Variants in EMP2 observed in about 807,000 individuals in gnomAD.
EMP2 encodes epithelial membrane protein 2.
EMP2 carries 19 observed loss-of-function variants against 13.7 expected under a neutral mutation model. The observed-to-expected ratio is 1.38, with a 90% CI of 0.97 to 2.03. The LOEUF (loss-of-function observed/expected upper bound fraction) is 2.03. Ranked by LOEUF, EMP2 falls within the 30% of genes most tolerant of loss-of-function variation. The pLI, the probability that EMP2 is intolerant of heterozygous loss-of-function variation, is 0.00. For missense variants in EMP2, 253 were observed against 220.7 expected (o/e 1.15, Z -0.93); for synonymous variants, 97 against 84.7 (o/e 1.15, Z -0.80).
chr16:10,567,324 G>A (rs543619531), intron 1 of EMP2, among the ~76,000 whole-genome samples: 3 of 152,266 alleles, frequency 2.0e-5, no homozygotes, highest in East Asian at 3.9e-4. Context: ...TCCAGGTCTC[G>A]CCAAGAAGCC....
intron 3 of EMP2, among the ~76,000 whole-genome samples, chr16:10,541,190 G>C (rs1445587856): frequency 2.0e-5 from 3 of 152,040 alleles, no homozygotes; most frequent in Non-Finnish European, 4.4e-5. Flanking sequence ...ATCACTTGAA[G>C]CCAGGCGTGA....
chr16:10,537,711 T>C (rs1267831047), intron 4 of EMP2, among the ~76,000 whole-genome samples: 2 of 151,544 alleles, frequency 1.3e-5, no homozygotes, highest in Admixed American at 6.6e-5. Context: ...CCCAACTCAA[T>C]CCAAACTCCC....
At chr16:10,546,395 G>A (rs1309144715) in intron 2 of EMP2, 1 of 152,194 alleles carries the variant, frequency 6.6e-6, no homozygotes, top group Non-Finnish European at 1.5e-5. Flanking sequence ...TGTTTGGAGG[G>A]ATATTAATCT....
Position 10,528,791 on chromosome 16 carries a change from G to A in EMP2, c.*4114C>T, listed in dbSNP as rs1305581037. ...TGTAAGTAACCTTTAAACTATTAGC[G>A]AGTTTAGTAACATCCCGCGAGGCAG... On this transcript the variant is annotated 3_prime_UTR_variant, in exon 5 of 5. Transcript: ENST00000359543. 6 of 152,118 alleles carry A rather than the reference G, an allele frequency of 3.9e-5. No individual in the cohort carries two copies. In the South Asian group the frequency reaches 6.2e-4, roughly 16 times the overall value. The allele number at this position is 152,118 out of a possible 1,614,324, so 9.4% of individuals were successfully genotyped here. A position where few individuals can be genotyped will look rare whatever the true frequency, so the allele number is the denominator to read the frequency against.
chr16:10,557,252 G>A (rs1016686968), intron 1 of EMP2, among the ~76,000 whole-genome samples: 5 of 151,644 alleles, frequency 3.3e-5, no homozygotes, highest in East Asian at 3.9e-4. Flanking sequence ...AGCTACTTGG[G>A]AGGCTGAGGC....
intron 1 of EMP2, among the ~76,000 whole-genome samples, chr16:10,565,419 G>A (rs1414891046): frequency 1.3e-5 from 2 of 152,160 alleles, no homozygotes; most frequent in Non-Finnish European, 2.9e-5. Flanking sequence ...GAACAAGAAG[G>A]AATTCTGCCA....
chr16:10,562,479 G>C (rs1457677860), intron 1 of EMP2, among the ~76,000 whole-genome samples: 2 of 151,610 alleles, frequency 1.3e-5, no homozygotes, highest in African/African-American at 4.9e-5. Flanking sequence ...TTGGAAGACA[G>C]ACAAGGTTTA....
intron 3 of EMP2, among the ~76,000 whole-genome samples, chr16:10,540,096 G>T (rs960830810): frequency 1.3e-5 from 2 of 152,212 alleles, no homozygotes; most frequent in Non-Finnish European, 2.9e-5. Flanking sequence ...AAGCTGGGAG[G>T]GGGTGCAGGA....
intron 1 of EMP2, among the ~76,000 whole-genome samples, chr16:10,569,642 T>C (rs1776032462): frequency 6.6e-6 from 1 of 152,172 alleles, no homozygotes; most frequent in Non-Finnish European, 1.5e-5. Flanking sequence ...AAACATGCAT[T>C]ACGCTGTAAA....
intron 1 of EMP2, among the ~76,000 whole-genome samples, chr16:10,563,640 G>C (rs920540029): frequency 6.6e-6 from 1 of 152,194 alleles, no homozygotes; most frequent in Admixed American, 6.5e-5. Flanking sequence ...TGGTTAACGT[G>C]GAAGTTAACA....
chr16:10,572,271 C>T (rs1419194570), intron 1 of EMP2, among the ~76,000 whole-genome samples: 2 of 151,908 alleles, frequency 1.3e-5, no homozygotes, highest in Non-Finnish European at 2.9e-5. Context: ...GCCTGGGTGA[C>T]AAAGCAAGAC....
intron 1 of EMP2, among the ~76,000 whole-genome samples, chr16:10,550,702 T>C (rs2142186963): frequency 1.3e-5 from 2 of 152,180 alleles, no homozygotes; most frequent in Middle Eastern, 6.8e-3. Context: ...AGGCTGGGCA[T>C]GGTGCCTCAT....
At chr16:10,575,077 C>T (rs773412898) in intron 1 of EMP2, among the ~76,000 whole-genome samples, 1 of 151,820 alleles carries the variant, frequency 6.6e-6, no homozygotes, top group Non-Finnish European at 1.5e-5. Context: ...CTCACTGTTC[C>T]TTGTTGCCTG....
intron 1 of EMP2, among the ~76,000 whole-genome samples, chr16:10,570,582 G>C (rs2050940247): frequency 6.6e-6 from 1 of 152,126 alleles, no homozygotes; most frequent in African/African-American, 2.4e-5. Context: ...ATTTTTAGTA[G>C]AAACAGGGTT....
chr16:10,560,916 A>G (rs550319004), intron 1 of EMP2, among the ~76,000 whole-genome samples: 17 of 152,342 alleles, frequency 1.1e-4, no homozygotes, highest in Non-Finnish European at 1.8e-4. Context: ...CACACAAAGG[A>G]GAGCAAATGT....
chr16:10,547,564 C>G lies in EMP2; in HGVS notation c.54G>C (p.Leu18Phe), dbSNP rs1256967610. Residue 18 changes from leucine (L) to phenylalanine (F), a missense_variant, in exon 2 of 5, where the codon TTG (leucine) becomes TTC (phenylalanine). Coordinates refer to ENST00000359543, the MANE Select transcript of EMP2 (RefSeq NM_001424.6). ...IIAFHITSAA[L>F]LFIATVDNAW... is the part of the protein sequence containing the mutation. Reference sequence around the variant, plus strand: ...CATTGTCGACGGTGGCAATGAACAGCAAGGCTGCAGAGGTGATGTGGAAGG... The same window carrying G: ...CATTGTCGACGGTGGCAATGAACAGGAAGGCTGCAGAGGTGATGTGGAAGG... The G allele has an allele frequency of 8.1e-6, 13 of 1,614,048 alleles. No homozygotes were observed. Among genetic ancestry groups the G allele is most frequent in the Non-Finnish European group, 1.0e-5 (12 of 1,180,018 alleles).
At chr16:10,555,062 G>A (rs916274208) in intron 1 of EMP2, among the ~76,000 whole-genome samples, 1 of 152,100 alleles carries the variant, frequency 6.6e-6, no homozygotes, top group African/African-American at 2.4e-5. Context: ...AAAGGCCCTT[G>A]GAAAACTCAA....
chr16:10,554,551 C>A (rs1012112037), intron 1 of EMP2, among the ~76,000 whole-genome samples: 7 of 152,178 alleles, frequency 4.6e-5, no homozygotes, highest in African/African-American at 1.7e-4. Flanking sequence ...ACAAACAGTT[C>A]CCGGGGCTGT....
chr16:10,579,232 C>G (rs907213146), intron 1 of EMP2, among the ~76,000 whole-genome samples: 7 of 152,190 alleles, frequency 4.6e-5, no homozygotes, highest in African/African-American at 1.7e-4. Flanking sequence ...CCGTCCCTTC[C>G]TCGTCCTCTT....
Sources: gnomAD v4.1 joint callset for allele counts (sites outside exome capture counted in the v4.1 genomes callset) on GRCh38, gnomAD v4.1.1 for gene constraint, MANE v1.5 for transcripts, NCBI Gene and HGNC (gene_info 2026-07-23, HGNC 2026-07-21) for gene names.